CDH6: variants seen among roughly 807,000 people sequenced by gnomAD.
CDH6 encodes the protein cadherin 6, also known as cadherin-6.
Under a neutral mutation model 78.0 loss-of-function variants are expected in CDH6, and 31 were observed. The observed-to-expected ratio is 0.40, with a 90% CI of 0.30 to 0.54. CDH6 has a LOEUF of 0.54. Among genes scored for constraint, CDH6 ranks in the 20% least tolerant of loss-of-function variants. The pLI is 0.56. For missense variants in CDH6, 724 were observed against 975.9 expected, an observed-to-expected ratio of 0.74 and a Z score of 3.44; for synonymous variants, 376 against 368.8, an observed-to-expected ratio of 1.02 and a Z score of -0.23.
chr5:31,284,212 C>T (rs1270568296), intron 2 of CDH6, among the ~76,000 whole-genome samples: 1 of 152,152 alleles, frequency 6.6e-6, no homozygotes, highest in African/African-American at 2.4e-5. Flanking sequence ...ATGTAGTCAC[C>T]AAGCATTACT....
intron 1 of CDH6, among the ~76,000 whole-genome samples, chr5:31,233,789 C>A (rs903393283): frequency 1.3e-5 from 2 of 152,122 alleles, no homozygotes; most frequent in African/African-American, 2.4e-5. Flanking sequence ...AAACACCCAC[C>A]GCCTCACTCT....
chr5:31,214,883 A>G (rs1045151024), intron 1 of CDH6, among the ~76,000 whole-genome samples: 2 of 152,180 alleles, frequency 1.3e-5, no homozygotes, highest in African/African-American at 4.8e-5. Context: ...AAATGGATTA[A>G]GTTGCATATA....
chr5:31,254,822 A>T (rs996696193), intron 1 of CDH6, among the ~76,000 whole-genome samples: 10 of 152,204 alleles, frequency 6.6e-5, no homozygotes, highest in African/African-American at 2.2e-4. Flanking sequence ...GACTGATTTC[A>T]TTTTGTTTTT....
chr5:31,309,263 A>T lies in CDH6; in HGVS notation c.1253+3836A>T, dbSNP rs574268548. 3.0e-4 allele frequency among the ~76,000 whole-genome samples: 45 copies of T among 152,252 alleles called. No homozygotes were observed. In the South Asian group the frequency reaches 3.1e-3, roughly 11 times the overall value. On this transcript the variant is annotated intron_variant, in intron 7 of 11. Transcript: ENST00000265071. ...AATGGCCTGTGATAATTGAATATCTATTTCATTTAGACACTCACTAGATAA... is the reference window on the plus strand; with the variant it reads ...AATGGCCTGTGATAATTGAATATCTTTTTCATTTAGACACTCACTAGATAA...
intron 4 of CDH6, among the ~76,000 whole-genome samples, chr5:31,298,802 C>T (rs1487058645): frequency 1.3e-5 from 2 of 152,136 alleles, no homozygotes; most frequent in Non-Finnish European, 2.9e-5. Context: ...GCCAGTTGAA[C>T]TAAAGTTCAC....
intron 9 of CDH6, among the ~76,000 whole-genome samples, chr5:31,317,103 G>A (rs1738346272): frequency 1.3e-5 from 2 of 152,106 alleles, no homozygotes. Context: ...CACACTAGAA[G>A]GTGCTACTGA....
chr5:31,317,230 G>T, intron 9 of CDH6, 145 bp from the exon 10 acceptor site: 1 of 574,292 alleles, frequency 1.7e-6, no homozygotes. Context: ...ACCCATAATA[G>T]AGCAGATTCA....
At chr5:31,295,792 A>T (rs1018531412) in intron 3 of CDH6, among the ~76,000 whole-genome samples, 3 of 152,220 alleles carry the variant, frequency 2.0e-5, no homozygotes, top group African/African-American at 7.2e-5. Context: ...ATCTTGAAAA[A>T]ATAAATAATA....
intron 1 of CDH6, among the ~76,000 whole-genome samples, chr5:31,262,384 C>T (rs1384638198): frequency 6.6e-6 from 1 of 152,176 alleles, no homozygotes; most frequent in Non-Finnish European, 1.5e-5. Flanking sequence ...GTTTTCTTGA[C>T]CACCAACCAC....
intron 2 of CDH6, 47 bp from the exon 3 acceptor site, chr5:31,293,915 C>A: frequency 7.7e-7 from 1 of 1,304,644 alleles, no homozygotes; most frequent in Non-Finnish European, 1.1e-6. Context: ...CAGTTTAGAA[C>A]CACATGCTTG....
chr5:31,318,798 T>A (rs1738398146), intron 11 of CDH6: 1 of 225,524 alleles, frequency 4.4e-6, no homozygotes. Context: ...GGGGAAATAC[T>A]CTTTTTTAAA....
In CDH6 at chr5:31,207,799, A is replaced by G. The variant is rs575999752; in HGVS notation, c.-129+13913A>G. Among the ~76,000 whole-genome samples, 329 of 152,312 alleles carry G rather than the reference A, an allele frequency of 2.2e-3. 1 individual carries two copies. The highest frequency in any genetic ancestry group is 3.4e-3 in the Non-Finnish European group (233 of 68,028). On this transcript the variant is annotated intron_variant, in intron 1 of 11. Transcript: ENST00000265071. The stretch of plus-strand genomic sequence containing the variant: ...CTAATAATTTGATTTCTTTGGATAC[A>G]TCGAGGCAATACACTTAAGAAGCAA...
At chr5:31,236,430 A>G (rs921750709) in intron 1 of CDH6, among the ~76,000 whole-genome samples, 7 of 152,204 alleles carry the variant, frequency 4.6e-5, no homozygotes, top group Non-Finnish European at 8.8e-5. Flanking sequence ...TGGGCACACA[A>G]TATGAATGAA....
chr5:31,237,934 T>G (rs1435288931), intron 1 of CDH6, among the ~76,000 whole-genome samples: 2 of 152,204 alleles, frequency 1.3e-5, no homozygotes, highest in African/African-American at 4.8e-5. Context: ...GCAGGATTGT[T>G]GCAATAGTTA....
chr5:31,251,914 A>C (rs1486108316), intron 1 of CDH6: 1 of 152,220 alleles, frequency 6.6e-6, no homozygotes, highest in African/African-American at 2.4e-5. Context: ...AGAAGTTTAT[A>C]AAAAATTCCA....
At position 31,297,387 on chromosome 5, in the gene CDH6, T is replaced by C. The variant is rs1291427259; in HGVS notation, c.622T>C (p.Phe208Leu). Residue 208 changes from phenylalanine to leucine, a missense_variant, in exon 4 of 12, where the codon TTT becomes CTT. This residue lies in a region of CDH6 where 446 missense variants were observed against 684.5 expected (regional missense o/e 0.65). Transcript: ENST00000265071. Reference sequence around the variant, plus strand: ...CAGTATTCTACAGGGACAGCCCTATTTTTCAGTTGAATCAGAAACAGGTTA... The same window carrying C: ...CAGTATTCTACAGGGACAGCCCTATCTTTCAGTTGAATCAGAAACAGGTTA... ...VYSILQGQPY[F>L]SVESETGIIK... is the part of the protein sequence containing the mutation. The C allele has an allele frequency of 6.2e-7, 1 of 1,608,360 alleles. No individual in the cohort carries two copies. Among genetic ancestry groups the C allele is most frequent in the East Asian group, 2.2e-5 (1 of 44,810 alleles).
At chr5:31,284,320 G>T (rs1166500198) in intron 2 of CDH6, among the ~76,000 whole-genome samples, 1 of 152,186 alleles carries the variant, frequency 6.6e-6, no homozygotes. Flanking sequence ...AGTTTGTATG[G>T]TAGGACATTC....
rs1446509622 is a variant in CDH6, at chr5:31,292,830, T to TATATATATGTGTGC, written c.229-1124_229-1123insGTGTGCATATATAT. Among the ~76,000 whole-genome samples the TATATATATGTGTGC allele has an allele frequency of 1.6e-3, 22 of 13,402 alleles. No individual in the cohort carries two copies. In the East Asian group the frequency reaches 0.042, roughly 26 times the overall value. 8.8% of individuals were successfully genotyped at this position (13,402 alleles called of 152,430 possible). A position where few individuals can be genotyped will look rare whatever the true frequency, so the allele number is the denominator to read the frequency against. On this transcript the variant is annotated intron_variant, in intron 2 of 11. Transcript: ENST00000265071. ...ATATATATATATGTGTGCATATATA[T>TATATATATGTGTGC]ATATATATATATATATGTGTGCATA...
chr5:31,290,068 C>T (rs1031758550), intron 2 of CDH6, among the ~76,000 whole-genome samples: 2 of 152,060 alleles, frequency 1.3e-5, no homozygotes, highest in Non-Finnish European at 2.9e-5. Context: ...ACCAGCCTGG[C>T]CAACATGGTA....
Sources: allele counts gnomAD v4.1 joint callset (sites outside exome capture counted in the v4.1 genomes callset), GRCh38; gene constraint gnomAD v4.1.1; regional missense constraint gnomAD v4.1.1; transcripts MANE v1.5; gene names NCBI Gene and HGNC (gene_info 2026-07-23, HGNC 2026-07-21).